SIK2: variants seen among roughly 807,000 people sequenced by gnomAD.
SIK2 encodes the protein salt inducible kinase 2.
In SIK2, 29 loss-of-function variants were observed where a neutral mutation model predicts 103.2. The observed-to-expected ratio is 0.28, with a 90% CI of 0.21 to 0.38. The LOEUF (loss-of-function observed/expected upper bound fraction) is 0.38. Ranked by LOEUF, SIK2 falls within the 10% of genes least tolerant of loss-of-function variation. The pLI, the probability that SIK2 is intolerant of heterozygous loss-of-function variation, is 1.00. For missense variants in SIK2, 879 were observed against 1,171.0 expected, an observed-to-expected ratio of 0.75 and a Z score of 3.64; for synonymous variants, 412 against 446.1, an observed-to-expected ratio of 0.92 and a Z score of 0.96.
intron 1 of SIK2, among the ~76,000 whole-genome samples, chr11:111,604,779 A>G (rs1291745728): frequency 6.6e-6 from 1 of 152,170 alleles, no homozygotes; most frequent in African/African-American, 2.4e-5. Context: ...GTGCTTTTCT[A>G]AAGAAGCTGT....
chr11:111,659,856 A>G (rs1942444594), intron 3 of SIK2, among the ~76,000 whole-genome samples: 1 of 152,242 alleles, frequency 6.6e-6, no homozygotes, highest in Non-Finnish European at 1.5e-5. Context: ...AGGAGGGGCA[A>G]CTTTTAGAGT....
chr11:111,711,503 A>G (rs1313541391), intron 8 of SIK2, among the ~76,000 whole-genome samples: 3 of 152,186 alleles, frequency 2.0e-5, no homozygotes, highest in African/African-American at 7.2e-5. Context: ...CAGACTTCAA[A>G]CCATCAGGAG....
In SIK2 at chr11:111,602,983, G is replaced by A. The variant is rs1941604238; in HGVS notation, c.135+285G>A. Among the ~76,000 whole-genome samples the A allele has an allele frequency of 6.8e-6, 1 of 147,784 alleles. No homozygotes were observed. The highest frequency in any genetic ancestry group is 6.7e-5 in the Admixed American group (1 of 14,970). On this transcript the variant is annotated intron_variant, in intron 1 of 14. Coordinates refer to ENST00000304987, the MANE Select transcript of SIK2 (RefSeq NM_015191.3). The surrounding 1 kb of genome is among the most constrained non-coding windows in gnomAD (Gnocchi z 4.5). ...ACCCCCGGTGGCCACCCGGAATTTC[G>A]CCCAGAGCCCCCCACCCGGGCCGTG...
intron 9 of SIK2, among the ~76,000 whole-genome samples, chr11:111,714,201 T>G (rs1033390757): frequency 6.6e-6 from 1 of 151,974 alleles, no homozygotes; most frequent in African/African-American, 2.4e-5. Flanking sequence ...TCCATCTCCA[T>G]AGAGAAGGGT....
intron 3 of SIK2, among the ~76,000 whole-genome samples, chr11:111,621,611 C>T (rs965056355): frequency 2.6e-5 from 4 of 152,170 alleles, no homozygotes; most frequent in Middle Eastern, 3.4e-3. Context: ...CTTACCACTT[C>T]GCATATAATA....
Position 111,719,911 on chromosome 11 carries a change from A to G in SIK2, c.1403A>G (p.His468Arg), listed in dbSNP as rs775888268. 1.2e-6 allele frequency: 2 copies of G among 1,614,166 alleles called. No individual in the cohort carries two copies. The stretch of plus-strand genomic sequence containing the variant: ...GGAGAGGCCGAGGAAGACCCCGCTC[A>G]TGCCTTTGAGGCATTTCAGTCCACA... ...TEGEAEEDPA[H>R]AFEAFQSTRS... Residue 468 changes from histidine to arginine, a missense_variant, in exon 10 of 15, where the codon CAT becomes CGT. Physicochemically the swap from His to Arg is conservative, Grantham distance 29. This residue lies in a region of SIK2 where 222 missense variants were observed against 258.0 expected (regional missense o/e 0.86). Transcript: ENST00000304987.
At chr11:111,718,579 C>CA (rs2135965379) in intron 9 of SIK2, among the ~76,000 whole-genome samples, 1 of 152,324 alleles carries the variant, frequency 6.6e-6, no homozygotes, top group East Asian at 1.9e-4. Context: ...CTGCAGCAAA[C>CA]AAAGATCTGA....
chr11:111,706,900 A>C (rs183730249), intron 8 of SIK2, among the ~76,000 whole-genome samples: 2,310 of 150,932 alleles, frequency 0.015, 41 homozygotes, highest in Middle Eastern at 0.058. Context: ...GCAGAGGTTG[A>C]AGTGAGCCGA....
At chr11:111,623,235 A>G (rs1409183679) in intron 3 of SIK2, among the ~76,000 whole-genome samples, 1 of 152,180 alleles carries the variant, frequency 6.6e-6, no homozygotes, top group Non-Finnish European at 1.5e-5. Flanking sequence ...AAACTTGACT[A>G]GGACTGTTTT....
intron 9 of SIK2, among the ~76,000 whole-genome samples, chr11:111,713,579 G>A (rs1179561999): frequency 6.6e-6 from 1 of 152,164 alleles, no homozygotes; most frequent in Non-Finnish European, 1.5e-5. Flanking sequence ...AGATGAGTGA[G>A]ACATGAACTC....
chr11:111,602,935 G>C lies in SIK2; in HGVS notation c.135+237G>C, dbSNP rs909447017. On this transcript the variant is annotated intron_variant, in intron 1 of 14. Coordinates refer to ENST00000304987, the MANE Select transcript of SIK2 (RefSeq NM_015191.3). This position sits in a 1 kb window ranked among gnomAD's most constrained non-coding sequence, Gnocchi z 4.5. ...CGTCCGACTGGAAACGCAACCAGCC[G>C]GGGCTTTGCTTTCCCCTACGCCACC... Among the ~76,000 whole-genome samples the C allele has an allele frequency of 2.0e-5, 3 of 152,142 alleles. No homozygotes were observed. The highest frequency in any genetic ancestry group is 2.9e-5 in the Non-Finnish European group (2 of 68,000).
At chr11:111,719,387 A>T in intron 9 of SIK2, among the ~76,000 whole-genome samples, 1 of 125,110 alleles carries the variant, frequency 8.0e-6, no homozygotes. Flanking sequence ...GCAATGAGCC[A>T]AGTAGTTAAA....
At chr11:111,626,270 G>A (rs1325762444) in intron 3 of SIK2, among the ~76,000 whole-genome samples, 1 of 152,134 alleles carries the variant, frequency 6.6e-6, no homozygotes, top group Non-Finnish European at 1.5e-5. Context: ...TAGTTTGGAA[G>A]GGAAGAAGCT....
chr11:111,681,754 A>G (rs1942780778), intron 3 of SIK2, among the ~76,000 whole-genome samples: 1 of 152,194 alleles, frequency 6.6e-6, no homozygotes. Flanking sequence ...AATTTCACCT[A>G]ATAAATGTGG....
chr11:111,708,592 G>A (rs1943414087), intron 8 of SIK2, among the ~76,000 whole-genome samples: 1 of 151,786 alleles, frequency 6.6e-6, no homozygotes, highest in Admixed American at 6.6e-5. Flanking sequence ...TTTTGGGGGA[G>A]GTTTTGTTTT....
chr11:111,665,755 G>C (rs1591607152), intron 3 of SIK2, among the ~76,000 whole-genome samples: 1 of 152,006 alleles, frequency 6.6e-6, no homozygotes, highest in Non-Finnish European at 1.5e-5. Flanking sequence ...GAACCCGGGA[G>C]GCAGAGGTTG....
Position 111,723,709 on chromosome 11 carries a change from C to A in SIK2, c.2361C>A (p.Tyr787Ter). The stretch of plus-strand genomic sequence containing the variant: ...AGCCTTCCTCCGAGCAGATGCAATA[C>A]AGCCCTTTCCTCAGCCAGTACCAAG... ...VLEPSSEQMQ[Y>*]SPFLSQYQEM... Residue 787 changes from tyrosine to a stop codon, truncating the protein, a stop_gained, in exon 15 of 15, where the codon TAC becomes TAA. Coordinates refer to ENST00000304987, the MANE Select transcript of SIK2 (RefSeq NM_015191.3). LOFTEE classifies it high-confidence loss of function. 1 of 1,614,212 alleles carries A rather than the reference C, an allele frequency of 6.2e-7. No homozygotes were observed. Among genetic ancestry groups the A allele is most frequent in the East Asian group, 2.2e-5 (1 of 44,888 alleles).
Position 111,721,058 on chromosome 11 carries a change from CT to C in SIK2, c.1941del (p.Gln648ArgfsTer92). ...CTCCAGGACCTTGCTAGCAGCTGCC[CT>C]CAGGTGGGTACCTTGGGCCCTTCCC... is the stretch of plus-strand genomic sequence containing the variant. ...PQLQDLASSC[P>X]QEEVSQQQES... On this transcript the variant is annotated frameshift_variant, in exon 12 of 15. Transcript: ENST00000304987. LOFTEE classifies it high-confidence loss of function. The C allele has an allele frequency of 6.2e-7, 1 of 1,612,722 alleles. No individual in the cohort carries two copies. The highest frequency in any genetic ancestry group is 8.5e-7 in the Non-Finnish European group (1 of 1,179,456).
intron 1 of SIK2, among the ~76,000 whole-genome samples, chr11:111,604,803 A>G (rs1941626972): frequency 6.6e-6 from 1 of 152,204 alleles, no homozygotes; most frequent in Non-Finnish European, 1.5e-5. Context: ...TAACATATAA[A>G]AAGAAATAGT....
Sources: gnomAD v4.1 joint callset for allele counts (sites outside exome capture counted in the v4.1 genomes callset) on GRCh38, gnomAD v4.1.1 for gene constraint, gnomAD v4.1.1 regional missense constraint, Gnocchi (gnomAD v3.1) non-coding constraint, MANE v1.5 for transcripts, NCBI Gene and HGNC (gene_info 2026-07-23, HGNC 2026-07-21) for gene names.